Variants in LAMP1 observed in about 807,000 individuals in gnomAD.
LAMP1 encodes lysosome associated membrane protein 1.
A neutral mutation model predicts 37.5 loss-of-function variants in LAMP1; 7 were observed. The ratio of observed to expected loss-of-function variants is 0.19; its 90% CI spans 0.11 to 0.35. The LOEUF is 0.35. LAMP1 is among the 10% of genes least tolerant of loss of function. The pLI, the probability that LAMP1 is intolerant of heterozygous loss-of-function variation, is 1.00. For synonymous variants in LAMP1, 236 were observed against 229.1 expected (o/e 1.03, Z -0.27); for missense variants, 537 against 552.8 (o/e 0.97, Z 0.29).
intron 2 of LAMP1, among the ~76,000 whole-genome samples, chr13:113,309,272 T>G (rs1469003506): frequency 6.6e-6 from 1 of 152,092 alleles, no homozygotes. Flanking sequence ...GATTAGTTTA[T>G]TTTGTTTTTG....
At chr13:113,310,533 A>G (rs1206728424) in intron 3 of LAMP1, among the ~76,000 whole-genome samples, 176 bp from the exon 4 acceptor site, 2 of 152,228 alleles carry the variant, frequency 1.3e-5, no homozygotes, top group African/African-American at 4.8e-5. Context: ...CTCAAAAAAA[A>G]TAAAAAACAC....
At chr13:113,316,562 G>A (rs780428189) in intron 4 of LAMP1, among the ~76,000 whole-genome samples, 5 of 151,890 alleles carry the variant, frequency 3.3e-5, no homozygotes, top group East Asian at 1.9e-4. Flanking sequence ...AGGTGGGACT[G>A]TAGGCGCCCG....
At chr13:113,311,401 A>G (rs555287313) in intron 4 of LAMP1, among the ~76,000 whole-genome samples, 4 of 152,350 alleles carry the variant, frequency 2.6e-5, no homozygotes, top group East Asian at 3.9e-4. Context: ...GTAAACGTAT[A>G]CAATTATTAC....
chr13:113,322,395 A>G lies in LAMP1; in HGVS notation c.1228A>G (p.Ser410Gly). 6.2e-7 allele frequency: 1 copy of G among 1,613,490 alleles called. No individual in the cohort carries two copies. Among genetic ancestry groups the G allele is most frequent in the African/African-American group, 1.3e-5 (1 of 74,980 alleles). Reference protein sequence around the residue: ...LIAYLVGRKRSHAGYQTI With the variant: ...LIAYLVGRKRGHAGYQTI ...CGCCTACCTCGTCGGCAGGAAGAGG[A>G]GTCACGCAGGCTACCAGACTATCTA... Residue 410 changes from serine (S) to glycine (G), a missense_variant, in exon 9 of 9, where the codon AGT (serine) becomes GGT (glycine). Physicochemically the swap from Ser to Gly is moderately conservative, Grantham distance 56. Transcript: ENST00000332556.
At chr13:113,304,255 C>T (rs191623601) in intron 1 of LAMP1, among the ~76,000 whole-genome samples, 139 of 152,274 alleles carry the variant, frequency 9.1e-4, no homozygotes, top group African/African-American at 3.2e-3. Context: ...TGTGGGCATC[C>T]GGGTTGTCAG....
At position 113,321,737 on chromosome 13, in the gene LAMP1, A is replaced by G. The variant is rs2042701492; in HGVS notation, c.1114+10A>G. The G allele has an allele frequency of 6.2e-7, 1 of 1,613,186 alleles. No homozygotes were observed. Among genetic ancestry groups the G allele is most frequent in the Non-Finnish European group, 8.5e-7 (1 of 1,179,860 alleles). On this transcript the variant is annotated intron_variant, in intron 8 of 8. Transcript: ENST00000332556. The surrounding 1 kb of genome is among the most constrained non-coding windows in gnomAD (Gnocchi z 5.6). Reference sequence around the variant, plus strand: ...GGCCAGTTTGGCTCTGGTGAGTGTCACCGAGGGCAGCTGTCGCGGGGTGTG... The same window carrying G: ...GGCCAGTTTGGCTCTGGTGAGTGTCGCCGAGGGCAGCTGTCGCGGGGTGTG...
rs539321614 is a variant in LAMP1 at position 113,301,858 on chromosome 13, C to CTTTTTTTTTTTTTTTTT, written c.61+4369_61+4385dup. ...GCCAAGAAAAACTAAGATGTGATTT[C>CTTTTTTTTTTTTTTTTT]TTTTTTTTTTTTTTTTTTTTTTGAG... is the stretch of plus-strand genomic sequence containing the variant. On this transcript the variant is annotated intron_variant, in intron 1 of 8. Coordinates refer to ENST00000332556, the MANE Select transcript of LAMP1 (RefSeq NM_005561.4). 8.1e-5 allele frequency among the ~76,000 whole-genome samples: 6 copies of CTTTTTTTTTTTTTTTTT among 74,332 alleles called. 1 individual carries two copies. Among genetic ancestry groups the CTTTTTTTTTTTTTTTTT allele is most frequent in the African/African-American group, 2.6e-4 (5 of 19,546 alleles). 48.8% of individuals were successfully genotyped at this position (74,332 alleles called of 152,430 possible).
At chr13:113,307,529 T>TA (rs1790232405) in intron 2 of LAMP1, among the ~76,000 whole-genome samples, 1 of 152,316 alleles carries the variant, frequency 6.6e-6, no homozygotes, top group South Asian at 2.1e-4. Flanking sequence ...CATAATTTGT[T>TA]ACACACTCCC....
In LAMP1 at chr13:113,297,511, CG is replaced by C; in HGVS notation, c.61+20del. On this transcript the variant is annotated intron_variant, in intron 1 of 8. Coordinates refer to ENST00000332556, the MANE Select transcript of LAMP1 (RefSeq NM_005561.4). The surrounding 1 kb of genome is among the most constrained non-coding windows in gnomAD (Gnocchi z 4.4). The stretch of plus-strand genomic sequence containing the variant: ...CTGCTGCTCGGTGAGGGGGTCGAGG[CG>C]GGGCCTGGGAGCGGCGGGACCGGGC... 1 of 1,239,308 alleles carries C rather than the reference CG, an allele frequency of 8.1e-7. No individual in the cohort carries two copies. The highest frequency in any genetic ancestry group is 1.0e-6 in the Non-Finnish European group (1 of 991,350). 76.8% of individuals were successfully genotyped at this position (1,239,308 alleles called of 1,614,324 possible). A position where few individuals can be genotyped will look rare whatever the true frequency, so the allele number is the denominator to read the frequency against.
At chr13:113,312,302 C>T (rs2042634781) in intron 4 of LAMP1, among the ~76,000 whole-genome samples, 1 of 152,192 alleles carries the variant, frequency 6.6e-6, no homozygotes, top group African/African-American at 2.4e-5. Context: ...TTTCTTGACA[C>T]ATAAAGATTA....
At position 113,297,409 on chromosome 13, in the gene LAMP1, C is replaced by T. The variant is rs1429079050; in HGVS notation, c.-26C>T. The T allele has an allele frequency of 1.3e-6, 1 of 779,418 alleles. No homozygotes were observed. Among genetic ancestry groups the T allele is most frequent in the Non-Finnish European group, 1.7e-6 (1 of 575,374 alleles). The allele number at this position is 779,418 out of a possible 1,614,324, so 48.3% of individuals were successfully genotyped here. On this transcript the variant is annotated 5_prime_UTR_variant, in exon 1 of 9. Coordinates refer to ENST00000332556, the MANE Select transcript of LAMP1 (RefSeq NM_005561.4). The surrounding 1 kb of genome is among the most constrained non-coding windows in gnomAD (Gnocchi z 4.4). The stretch of plus-strand genomic sequence containing the variant: ...AACCGCCGCCCGCGCCCCCGCTCCC[C>T]GCACCGTACCCGGCCGCCTCGCGCC...
At chr13:113,312,085 C>T (rs551156554) in intron 4 of LAMP1, among the ~76,000 whole-genome samples, 29 of 152,306 alleles carry the variant, frequency 1.9e-4, no homozygotes, top group African/African-American at 5.3e-4. Flanking sequence ...CATTCCTCAG[C>T]AGTCTTGCTT....
rs192907761 is a variant in LAMP1, at chr13:113,320,838, T to C, written c.876+368T>C. 97 of 245,946 alleles carry C rather than the reference T, an allele frequency of 3.9e-4. No individual in the cohort carries two copies. Among genetic ancestry groups the C allele is most frequent in the African/African-American group, 2.0e-3 (88 of 45,076 alleles). The allele number at this position is 245,946 out of a possible 1,614,324, so 15.2% of individuals were successfully genotyped here. A position where few individuals can be genotyped will look rare whatever the true frequency, so the allele number is the denominator to read the frequency against. On this transcript the variant is annotated intron_variant, in intron 6 of 8. Coordinates refer to ENST00000332556, the MANE Select transcript of LAMP1 (RefSeq NM_005561.4). The surrounding 1 kb of genome is among the most constrained non-coding windows in gnomAD (Gnocchi z 4.4). Reference sequence around the variant, plus strand: ...AGACATGAAGCATATAATTGTCACTTGTCAGTCTTTTTAAATCGCTGTGCA... The same window carrying C: ...AGACATGAAGCATATAATTGTCACTCGTCAGTCTTTTTAAATCGCTGTGCA...
chr13:113,307,609 AG>A (rs2042606682), intron 2 of LAMP1, among the ~76,000 whole-genome samples: 1 of 152,030 alleles, frequency 6.6e-6, no homozygotes, highest in Non-Finnish European at 1.5e-5. Context: ...TGATTTAGAG[AG>A]TTATACTGCA....
rs144852732 is a variant in LAMP1 at position 113,297,414 on chromosome 13, C to A, written c.-21C>A. ...CCGCCCGCGCCCCCGCTCCCCGCAC[C>A]GTACCCGGCCGCCTCGCGCCATGGC... On this transcript the variant is annotated 5_prime_UTR_variant, in exon 1 of 9. Transcript: ENST00000332556. This position sits in a 1 kb window ranked among gnomAD's most constrained non-coding sequence, Gnocchi z 4.4. 4.9e-6 allele frequency: 4 copies of A among 810,366 alleles called. No individual in the cohort carries two copies. The African/African-American group carries it at 5.5e-5, about 11-fold the overall frequency. 50.2% of individuals were successfully genotyped at this position (810,366 alleles called of 1,614,324 possible).
At position 113,320,853 on chromosome 13, in the gene LAMP1, A is replaced by G. The variant is rs1451629034; in HGVS notation, c.876+383A>G. 2 of 234,108 alleles carry G rather than the reference A, an allele frequency of 8.5e-6. No homozygotes were observed. Among genetic ancestry groups the G allele is most frequent in the African/African-American group, 4.5e-5 (2 of 44,448 alleles). The allele number at this position is 234,108 out of a possible 1,614,324, so 14.5% of individuals were successfully genotyped here. ...AATTGTCACTTGTCAGTCTTTTTAA[A>G]TCGCTGTGCAAATGAATTAACAGTT... On this transcript the variant is annotated intron_variant, in intron 6 of 8. Coordinates refer to ENST00000332556, the MANE Select transcript of LAMP1 (RefSeq NM_005561.4). This position sits in a 1 kb window ranked among gnomAD's most constrained non-coding sequence, Gnocchi z 4.4.
chr13:113,308,243 T>C (rs2042610483), intron 2 of LAMP1, among the ~76,000 whole-genome samples: 1 of 150,614 alleles, frequency 6.6e-6, no homozygotes, highest in Admixed American at 6.6e-5. Flanking sequence ...CTTAAACTAC[T>C]GGCCTCAAGT....
chr13:113,309,595 T>C, intron 2 of LAMP1, 48 bp from the exon 3 acceptor site: 2 of 1,430,690 alleles, frequency 1.4e-6, no homozygotes, highest in Non-Finnish European at 1.9e-6. Context: ...TTTGAACTTT[T>C]AATAACCTGC....
At chr13:113,306,147 T>C (rs2042597097) in intron 1 of LAMP1, 2 of 191,036 alleles carry the variant, frequency 1.0e-5, no homozygotes, top group South Asian at 1.6e-4. Context: ...TCACCTGAGG[T>C]CAGGAGTTCA....
Sources: gnomAD v4.1 joint callset for allele counts (sites outside exome capture counted in the v4.1 genomes callset) on GRCh38, gnomAD v4.1.1 for gene constraint, Gnocchi (gnomAD v3.1) non-coding constraint, MANE v1.5 for transcripts, NCBI Gene and HGNC (gene_info 2026-07-23, HGNC 2026-07-21) for gene names.